The following RBMS2 variants were observed in gnomAD, a reference collection of about 807,000 sequenced individuals.
RBMS2 encodes RNA binding motif single stranded interacting protein 2.
RBMS2 carries 38 observed loss-of-function variants against 58.4 expected under a neutral mutation model. That is an observed-to-expected ratio of 0.65 (90% CI 0.50 to 0.85). The LOEUF is 0.85. RBMS2 is among the 40% of genes least tolerant of loss of function. The probability of loss-of-function intolerance (pLI) is 0.00; values close to 1 mark genes in which losing one functional copy is unlikely to be tolerated. For missense variants in RBMS2, 367 were observed against 503.7 expected (o/e 0.73, Z 2.60); for synonymous variants, 151 against 180.7 (o/e 0.84, Z 1.32).
rs566654338 is a variant in RBMS2 at position 56,569,504 on chromosome 12, G to A, written c.293-395G>A. ...GGTGGTGAGGGTCTTCTTCCAGCAG[G>A]TGGCTGGTGGTCTGCTCTGGAGAGG... On this transcript the variant is annotated intron_variant, in intron 3 of 13. Transcript: ENST00000262031. 2.6e-5 allele frequency among the ~76,000 whole-genome samples: 4 copies of A among 152,300 alleles called. No homozygotes were observed. The South Asian group carries it at 8.3e-4, about 32-fold the overall frequency.
At chr12:56,554,131 T>C (rs2136363244) in intron 1 of RBMS2, among the ~76,000 whole-genome samples, 1 of 152,264 alleles carries the variant, frequency 6.6e-6, no homozygotes, top group Non-Finnish European at 1.5e-5. Context: ...GGCCGAATTC[T>C]TCTAAAATTA....
intron 1 of RBMS2, among the ~76,000 whole-genome samples, chr12:56,530,198 G>T (rs1016149442): frequency 6.6e-6 from 1 of 151,158 alleles, no homozygotes; most frequent in African/African-American, 2.4e-5. Flanking sequence ...GTGAGCCACT[G>T]TGCCTAGTCC....
At chr12:56,537,684 TTGAGACAC>T (rs1160786251) in intron 1 of RBMS2, among the ~76,000 whole-genome samples, 1 of 152,202 alleles carries the variant, frequency 6.6e-6, no homozygotes, top group Non-Finnish European at 1.5e-5. Context: ...AAGTGTCCCT[TTGAGACAC>T]TGCTTTCAAT....
At chr12:56,580,431 C>G (rs1363385785) in intron 5 of RBMS2, 2 of 294,166 alleles carry the variant, frequency 6.8e-6, no homozygotes, top group Admixed American at 4.8e-5. Flanking sequence ...TGGGGTTTCT[C>G]CATGTTGTCC....
intron 1 of RBMS2, among the ~76,000 whole-genome samples, chr12:56,542,359 C>A (rs1333049608): frequency 5.9e-5 from 9 of 151,916 alleles, no homozygotes; most frequent in Non-Finnish European, 1.5e-5. Flanking sequence ...GCCACCGCAC[C>A]TGGCTCTAGT....
chr12:56,586,711 T>C (rs1458297989), intron 9 of RBMS2, 138 bp from the exon 10 acceptor site: 2 of 705,996 alleles, frequency 2.8e-6, no homozygotes, highest in African/African-American at 1.8e-5. Flanking sequence ...ATTGCTAATA[T>C]TTTAAAAACA....
At chr12:56,557,953 G>C (rs1052340582) in intron 1 of RBMS2, among the ~76,000 whole-genome samples, 2 of 147,274 alleles carry the variant, frequency 1.4e-5, no homozygotes, top group Non-Finnish European at 3.0e-5. Flanking sequence ...GGTCAGGCTG[G>C]TCTCCAACTC....
intron 12 of RBMS2, 110 bp from the exon 13 acceptor site, chr12:56,588,820 AGT>A (rs1700074516): frequency 5.6e-6 from 5 of 893,540 alleles, no homozygotes; most frequent in African/African-American, 3.3e-5. Flanking sequence ...GAGTGTGGAG[AGT>A]GGGTAGGTTT....
At position 56,582,128 on chromosome 12, in the gene RBMS2, T is replaced by C; in HGVS notation, c.849T>C (p.Leu283=). 6.2e-7 allele frequency: 1 copy of C among 1,610,572 alleles called. No homozygotes were observed. The highest frequency in any genetic ancestry group is 8.5e-7 in the Non-Finnish European group (1 of 1,177,010). The change falls in exon 9 of 14, where the codon CTT becomes CTC. Residue 283 remains leucine (L), a synonymous_variant. Transcript: ENST00000262031. ...MLAQSALSPY[L]SSPVSSYQRV... is the part of the protein sequence containing the mutation. The stretch of plus-strand genomic sequence containing the variant: ...CTCAGTCTGCACTCTCCCCATACCT[T>C]TCCTCTCCTGTGTCTTCGTATCAGG...
intron 5 of RBMS2, among the ~76,000 whole-genome samples, chr12:56,574,863 C>G (rs968995490): frequency 1.3e-5 from 2 of 152,084 alleles, no homozygotes; most frequent in Admixed American, 6.6e-5. Flanking sequence ...AAATACCTGA[C>G]TTTGGCCGGA....
intron 1 of RBMS2, among the ~76,000 whole-genome samples, chr12:56,535,849 C>A (rs572148534): frequency 6.6e-4 from 101 of 152,192 alleles, no homozygotes; most frequent in African/African-American, 2.4e-3. Flanking sequence ...CTACTAGTAT[C>A]TACTTTATTG....
chr12:56,533,408 C>CTTTTTTTTTTT lies in RBMS2; in HGVS notation c.66+11334_66+11344dup. Among the ~76,000 whole-genome samples, 65 of 65,302 alleles carry CTTTTTTTTTTT rather than the reference C, an allele frequency of 1.0e-3. 7 individuals carry two copies. The highest frequency in any genetic ancestry group is 1.9e-3 in the African/African-American group (29 of 14,936). 42.8% of individuals were successfully genotyped at this position (65,302 alleles called of 152,430 possible). ...TGAGCCGCGGCACCCAGCCCTATTA[C>CTTTTTTTTTTT]TTTTTTTTTTTTTTTTTTTTTTTTT... On this transcript the variant is annotated intron_variant, in intron 1 of 13. Transcript: ENST00000262031.
intron 1 of RBMS2, among the ~76,000 whole-genome samples, chr12:56,537,088 T>A (rs1875041492): frequency 6.6e-6 from 1 of 151,790 alleles, no homozygotes; most frequent in African/African-American, 2.4e-5. Context: ...ACCTGGCTAA[T>A]TTTTGTATTT....
chr12:56,528,474 A>C (rs778897528), intron 1 of RBMS2, among the ~76,000 whole-genome samples: 2 of 152,178 alleles, frequency 1.3e-5, no homozygotes, highest in Non-Finnish European at 2.9e-5. Flanking sequence ...AACATTGATT[A>C]AGATGTAGAG....
At chr12:56,586,160 C>G (rs181196058) in intron 9 of RBMS2, among the ~76,000 whole-genome samples, 93 of 152,270 alleles carry the variant, frequency 6.1e-4, no homozygotes, top group African/African-American at 2.2e-3. Context: ...AACCCTGTCT[C>G]TACTGAAAAT....
At chr12:56,529,043 A>T (rs1873204127) in intron 1 of RBMS2, among the ~76,000 whole-genome samples, 1 of 152,180 alleles carries the variant, frequency 6.6e-6, no homozygotes. Flanking sequence ...GCAGGTTCTC[A>T]AAAGGTTAAG....
At chr12:56,552,079 AT>A (rs906066044) in intron 1 of RBMS2, among the ~76,000 whole-genome samples, 16 of 152,150 alleles carry the variant, frequency 1.1e-4, no homozygotes, top group African/African-American at 3.9e-4. Flanking sequence ...AGAGGAAGGC[AT>A]GAAAAGCCTG....
chr12:56,557,876 T>C (rs1306051977), intron 1 of RBMS2, among the ~76,000 whole-genome samples: 1 of 150,346 alleles, frequency 6.7e-6, no homozygotes, highest in Non-Finnish European at 1.5e-5. Flanking sequence ...GTAACTGGGA[T>C]TACAGGCATG....
intron 1 of RBMS2, among the ~76,000 whole-genome samples, chr12:56,556,728 A>G (rs1253105385): frequency 1.3e-5 from 2 of 152,112 alleles, no homozygotes; most frequent in Admixed American, 1.3e-4. Context: ...CACATTCTGA[A>G]CTATATTTAA....
Sources: gnomAD v4.1 joint callset for allele counts (sites outside exome capture counted in the v4.1 genomes callset) on GRCh38, gnomAD v4.1.1 for gene constraint, MANE v1.5 for transcripts, NCBI Gene and HGNC (gene_info 2026-07-23, HGNC 2026-07-21) for gene names.